CARNMT1: variants seen among roughly 807,000 people sequenced by gnomAD.
CARNMT1 encodes carnosine N-methyltransferase 1.
Under a neutral mutation model 49.6 loss-of-function variants are expected in CARNMT1, and 28 were observed. That is an observed-to-expected ratio of 0.56 (90% CI 0.42 to 0.77). CARNMT1 has a LOEUF of 0.77. CARNMT1 is among the 30% of genes least tolerant of loss of function. The pLI, the probability that CARNMT1 is intolerant of heterozygous loss-of-function variation, is 0.00. For synonymous variants in CARNMT1, 178 were observed against 175.0 expected, an observed-to-expected ratio of 1.02 and a Z score of -0.13; for missense variants, 421 against 512.6, an observed-to-expected ratio of 0.82 and a Z score of 1.73.
At chr9:75,005,661 G>C (rs1833485580) in intron 3 of CARNMT1, among the ~76,000 whole-genome samples, 2 of 151,690 alleles carry the variant, frequency 1.3e-5, no homozygotes, top group Admixed American at 6.6e-5. Flanking sequence ...TTTTAGTAGA[G>C]ACAGGGTTTC....
chr9:75,000,422 C>T (rs1365198298), intron 3 of CARNMT1, among the ~76,000 whole-genome samples: 16 of 152,004 alleles, frequency 1.1e-4, no homozygotes, highest in Admixed American at 4.6e-4. Flanking sequence ...AAATGGGAAA[C>T]GGCCCTCTAA....
intron 1 of CARNMT1, among the ~76,000 whole-genome samples, chr9:75,019,117 CAAT>C (rs1227494961): frequency 2.0e-5 from 3 of 152,006 alleles, no homozygotes; most frequent in East Asian, 3.9e-4. Context: ...ACAGCTCATA[CAAT>C]AATATGTGAA....
At chr9:74,996,253 T>C (rs1234135579) in intron 6 of CARNMT1, 194 bp downstream of exon 6, 2 of 480,076 alleles carry the variant, frequency 4.2e-6, no homozygotes, top group Non-Finnish European at 7.4e-6. Context: ...AGTGTGAATA[T>C]ACAACTTCTG....
At chr9:75,015,128 T>G (rs2118851551) in intron 3 of CARNMT1, among the ~76,000 whole-genome samples, 1 of 152,342 alleles carries the variant, frequency 6.6e-6, no homozygotes, top group Non-Finnish European at 1.5e-5. Context: ...GGTCTGTGGA[T>G]AGAATTCACT....
intron 6 of CARNMT1, among the ~76,000 whole-genome samples, chr9:74,988,341 A>G (rs1031123059): frequency 5.9e-5 from 9 of 152,338 alleles, no homozygotes; most frequent in Admixed American, 1.3e-4. Flanking sequence ...AAAATCACCT[A>G]TAAGTCTAAC....
At chr9:75,010,715 T>C (rs1208482103) in intron 3 of CARNMT1, among the ~76,000 whole-genome samples, 2 of 152,058 alleles carry the variant, frequency 1.3e-5, no homozygotes, top group Non-Finnish European at 2.9e-5. Context: ...CCCCAAGACA[T>C]TAGCAAATCT....
chr9:74,998,720 T>C lies in CARNMT1; in HGVS notation c.788A>G (p.Asn263Ser). Reference protein sequence around the residue: ...LYPWIHQFSNNRRSADQIRPI... With the variant: ...LYPWIHQFSNSRRSADQIRPI... Reference sequence around the variant, plus strand: ...TCGAATCTGATCAGCTGATCTCCGGTTATTGCTAAACTGATGGATCCAAGG... The same window carrying C: ...TCGAATCTGATCAGCTGATCTCCGGCTATTGCTAAACTGATGGATCCAAGG... Residue 263 changes from asparagine to serine, a missense_variant, in exon 5 of 8, where the codon AAC (asparagine) becomes AGC (serine). Asn to Ser is a conservative substitution (Grantham distance 46, BLOSUM62 1). This residue lies in a region of CARNMT1 where 235 missense variants were observed against 344.8 expected (regional missense o/e 0.68). Coordinates refer to ENST00000376834, the MANE Select transcript of CARNMT1 (RefSeq NM_152420.3). 1 of 1,603,958 alleles carries C rather than the reference T, an allele frequency of 6.2e-7. No homozygotes were observed. Among genetic ancestry groups the C allele is most frequent in the East Asian group, 2.2e-5 (1 of 44,656 alleles).
chr9:75,013,072 T>C (rs1022810678), intron 3 of CARNMT1, among the ~76,000 whole-genome samples: 2 of 152,194 alleles, frequency 1.3e-5, no homozygotes, highest in African/African-American at 4.8e-5. Flanking sequence ...GGCCCCACAA[T>C]TTTTTGTCTT....
At position 74,999,751 on chromosome 9, in the gene CARNMT1, G is replaced by C; in HGVS notation, c.710C>G (p.Ser237Cys). 1 of 1,611,308 alleles carries C rather than the reference G, an allele frequency of 6.2e-7. No individual in the cohort carries two copies. ...ATACCTGTTGAGTACAAAGTTGGAA[G>C]AAAAGAGCATAAAAAAACTCCATTC... ...GNEWSFFMLF[S>C]SNFVLNRCSE... is the part of the protein sequence containing the mutation. The change falls in exon 4 of 8, where the codon TCT becomes TGT. Residue 237 changes from serine to cysteine, a missense_variant. Ser to Cys is a moderately radical substitution (Grantham distance 112). This residue lies in a region of CARNMT1 where 235 missense variants were observed against 344.8 expected (regional missense o/e 0.68). Transcript: ENST00000376834.
At chr9:75,005,566 G>A (rs969654891) in intron 3 of CARNMT1, among the ~76,000 whole-genome samples, 3 of 149,944 alleles carry the variant, frequency 2.0e-5, no homozygotes, top group Non-Finnish European at 4.4e-5. Context: ...TCCGCCTCCC[G>A]GGTTCACACC....
At position 75,020,554 on chromosome 9, in the gene CARNMT1, C is replaced by G. The variant is rs190778143; in HGVS notation, c.231-3106G>C. The stretch of plus-strand genomic sequence containing the variant: ...GTGCTGGGATTATAGGCGTGAGCCA[C>G]CGCACCCAGCCTTCATTTTCATTTT... On this transcript the variant is annotated intron_variant, in intron 1 of 7. Coordinates refer to ENST00000376834, the MANE Select transcript of CARNMT1 (RefSeq NM_152420.3). Among the ~76,000 whole-genome samples, 94 of 152,258 alleles carry G rather than the reference C, an allele frequency of 6.2e-4. No individual in the cohort carries two copies. The East Asian group carries it at 6.6e-3, about 11-fold the overall frequency.
chr9:74,998,758 T>C lies in CARNMT1; in HGVS notation c.750A>G (p.Lys250=). 1 of 1,529,246 alleles carries C rather than the reference T, an allele frequency of 6.5e-7. No individual in the cohort carries two copies. The highest frequency in any genetic ancestry group is 8.8e-7 in the Non-Finnish European group (1 of 1,134,604). The allele number at this position is 1,529,246 out of a possible 1,614,324, so 94.7% of individuals were successfully genotyped here. Residue 250 remains lysine, a synonymous_variant, in exon 5 of 8, where the codon AAA becomes AAG. Coordinates refer to ENST00000376834, the MANE Select transcript of CARNMT1 (RefSeq NM_152420.3). The stretch of plus-strand genomic sequence containing the variant: ...GATGGATCCAAGGATAAAGTTTATA[T>C]TTATTAATTTCAGAACATCTGCAAA... The part of the protein sequence containing the change: ...FVLNRCSEIN[K]YKLYPWIHQF...
chr9:74,995,534 A>G lies in CARNMT1; in HGVS notation c.1024+913T>C, dbSNP rs1833162244. On this transcript the variant is annotated intron_variant, in intron 6 of 7. Transcript: ENST00000376834. ...TGTACAGCTGCTTTCATCTGGTCCT[A>G]AGGAATTCTTAAGAGAAGTTTGCAA... Among the ~76,000 whole-genome samples, 3 of 152,254 alleles carry G rather than the reference A, an allele frequency of 2.0e-5. No homozygotes were observed. The South Asian group carries it at 6.2e-4, about 32-fold the overall frequency.
intron 3 of CARNMT1, among the ~76,000 whole-genome samples, chr9:75,007,707 T>G (rs568655175): frequency 3.0e-5 from 4 of 132,396 alleles, no homozygotes; most frequent in Admixed American, 9.1e-5. Context: ...CCAGCCTGGG[T>G]GACAGAGCGA....
In CARNMT1 at chr9:75,016,521, G is replaced by C. The variant is rs998722922; in HGVS notation, c.427-90C>G. 2.1e-5 allele frequency: 25 copies of C among 1,197,272 alleles called. No individual in the cohort carries two copies. The African/African-American group carries it at 3.4e-4, about 16-fold the overall frequency. 74.2% of individuals were successfully genotyped at this position (1,197,272 alleles called of 1,614,324 possible). ...GACATGCTACTAAGGGGCTATATAG[G>C]TGGTTTAGTGGATAAATCACTAGCC... On this transcript the variant is annotated intron_variant, in intron 2 of 7. Transcript: ENST00000376834.
At chr9:75,001,023 C>T (rs1226453265) in intron 3 of CARNMT1, among the ~76,000 whole-genome samples, 2 of 152,102 alleles carry the variant, frequency 1.3e-5, no homozygotes, top group South Asian at 2.1e-4. Context: ...CCCACCGAAA[C>T]CCCTACTCTG....
chr9:74,992,220 C>G (rs969727113), intron 6 of CARNMT1, among the ~76,000 whole-genome samples: 7 of 151,296 alleles, frequency 4.6e-5, no homozygotes, highest in East Asian at 3.9e-4. Context: ...TGCAGTGAGC[C>G]GAGATGGTAC....
intron 3 of CARNMT1, among the ~76,000 whole-genome samples, chr9:75,014,798 G>A (rs1385913131): frequency 6.6e-6 from 1 of 151,932 alleles, no homozygotes; most frequent in Non-Finnish European, 1.5e-5. Context: ...AGTAAGCAGC[G>A]CCACTGCACC....
chr9:74,998,559 T>C (rs753695083), intron 5 of CARNMT1, 39 bp downstream of exon 5: 7 of 1,459,970 alleles, frequency 4.8e-6, no homozygotes, highest in Non-Finnish European at 6.4e-6. Context: ...AAATTTAGAA[T>C]AAAGGACAAG....
Sources: allele counts gnomAD v4.1 joint callset (sites outside exome capture counted in the v4.1 genomes callset), GRCh38; gene constraint gnomAD v4.1.1; regional missense constraint gnomAD v4.1.1; transcripts MANE v1.5; gene names NCBI Gene and HGNC (gene_info 2026-07-23, HGNC 2026-07-21).